CNTNAP2: variants seen among roughly 807,000 people sequenced by gnomAD.
CNTNAP2 encodes the protein contactin associated protein 2.
CNTNAP2 carries 98 observed loss-of-function variants against 155.2 expected under a neutral mutation model. The ratio of observed to expected loss-of-function variants is 0.63; its 90% CI spans 0.54 to 0.75. CNTNAP2 has a LOEUF of 0.75. Among genes scored for constraint, CNTNAP2 ranks in the 30% least tolerant of loss-of-function variants. The pLI, the probability that CNTNAP2 is intolerant of heterozygous loss-of-function variation, is 0.00. For missense variants in CNTNAP2, 1,727 were observed against 1,688.1 expected (o/e 1.02, Z -0.40); for synonymous variants, 651 against 631.2 (o/e 1.03, Z -0.47).
chr7:147,783,272 G>A (rs926296513), intron 13 of CNTNAP2, among the ~76,000 whole-genome samples: 1 of 152,136 alleles, frequency 6.6e-6, no homozygotes, highest in African/African-American at 2.4e-5. Context: ...CCTTCAAATT[G>A]TAGGCTTTTC....
At chr7:147,882,534 C>A (rs1563122580) in intron 13 of CNTNAP2, among the ~76,000 whole-genome samples, 1 of 152,152 alleles carries the variant, frequency 6.6e-6, no homozygotes. Flanking sequence ...ATTACCCTTG[C>A]AGATCTGTAG....
rs141892404 is a variant in CNTNAP2, at chr7:146,280,914, C to T, written c.97+163941C>T. Reference sequence around the variant, plus strand: ...CCTTCTGAGCCAAAGAGACACCATGCAAGATTACCTGAGGAACTTCTCAGG... The same window carrying T: ...CCTTCTGAGCCAAAGAGACACCATGTAAGATTACCTGAGGAACTTCTCAGG... On this transcript the variant is annotated intron_variant, in intron 1 of 23. Transcript: ENST00000361727. Among the ~76,000 whole-genome samples, 211 of 152,252 alleles carry T rather than the reference C, an allele frequency of 1.4e-3. 1 individual carries two copies. The highest frequency in any genetic ancestry group is 4.8e-3 in the African/African-American group (198 of 41,560).
Position 147,925,713 on chromosome 7 carries a change from G to A in CNTNAP2, c.2255+21992G>A, listed in dbSNP as rs373719997. On this transcript the variant is annotated intron_variant, in intron 14 of 23. Transcript: ENST00000361727. ...CCTGACCTCGTGATCCACCCGCCTC[G>A]GCCTCCCAAAGTGCTGGGATTACAG... Among the ~76,000 whole-genome samples the A allele has an allele frequency of 1.5e-4, 23 of 152,186 alleles. No homozygotes were observed. In the East Asian group the frequency reaches 4.1e-3, roughly 27 times the overall value.
intron 22 of CNTNAP2, among the ~76,000 whole-genome samples, chr7:148,384,649 C>A (rs1382169505): frequency 6.6e-6 from 1 of 152,106 alleles, no homozygotes; most frequent in Non-Finnish European, 1.5e-5. Flanking sequence ...CTCTAAGTGA[C>A]CTCCGAATCC....
intron 1 of CNTNAP2, among the ~76,000 whole-genome samples, chr7:146,436,134 C>T (rs1340676016): frequency 1.3e-5 from 2 of 152,116 alleles, no homozygotes; most frequent in African/African-American, 4.8e-5. Context: ...TTACCTATAA[C>T]TAGCACCATG....
At chr7:146,723,028 T>G (rs2129177913) in intron 1 of CNTNAP2, among the ~76,000 whole-genome samples, 1 of 152,128 alleles carries the variant, frequency 6.6e-6, no homozygotes, top group African/African-American at 2.4e-5. Flanking sequence ...AAAATTTTCT[T>G]AATAAACATA....
chr7:147,451,237 G>C (rs917604933), intron 10 of CNTNAP2, among the ~76,000 whole-genome samples: 1 of 152,260 alleles, frequency 6.6e-6, no homozygotes, highest in Admixed American at 6.5e-5. Flanking sequence ...TGGAGCCATA[G>C]AGTCTCCTTG....
At chr7:147,161,768 C>T (rs2116455694) in intron 8 of CNTNAP2, 1 of 152,282 alleles carries the variant, frequency 6.6e-6, no homozygotes, top group South Asian at 2.1e-4. Context: ...TCTAGCATGT[C>T]CTTTCTTACC....
intron 1 of CNTNAP2, among the ~76,000 whole-genome samples, chr7:146,315,264 G>A (rs551780989): frequency 1.3e-5 from 2 of 152,114 alleles, no homozygotes; most frequent in South Asian, 4.1e-4. Flanking sequence ...TGTGCTTGAG[G>A]GAAATCTCCC....
At chr7:147,708,711 T>C (rs1375167695) in intron 13 of CNTNAP2, among the ~76,000 whole-genome samples, 1 of 152,172 alleles carries the variant, frequency 6.6e-6, no homozygotes, top group Non-Finnish European at 1.5e-5. Context: ...CTCTCCAGGT[T>C]CTCAGCCAAT....
intron 1 of CNTNAP2, among the ~76,000 whole-genome samples, chr7:146,463,225 T>C (rs1040483590): frequency 5.9e-5 from 9 of 152,146 alleles, no homozygotes; most frequent in African/African-American, 2.2e-4. Flanking sequence ...TCTCTGATAA[T>C]CTATTCTATG....
chr7:146,162,548 C>A (rs896762464), intron 1 of CNTNAP2, among the ~76,000 whole-genome samples: 5 of 152,202 alleles, frequency 3.3e-5, no homozygotes, highest in Non-Finnish European at 7.3e-5. Flanking sequence ...AATGCTTTTA[C>A]ACTATTGGTG....
At chr7:147,489,515 T>C (rs1221583878) in intron 11 of CNTNAP2, among the ~76,000 whole-genome samples, 1 of 152,226 alleles carries the variant, frequency 6.6e-6, no homozygotes, top group Non-Finnish European at 1.5e-5. Context: ...GTAGCATATC[T>C]GAACACCAAA....
At position 146,265,861 on chromosome 7, in the gene CNTNAP2, C is replaced by T. The variant is rs529491880; in HGVS notation, c.97+148888C>T. Among the ~76,000 whole-genome samples, 25 of 151,396 alleles carry T rather than the reference C, an allele frequency of 1.7e-4. 1 individual carries two copies. Among genetic ancestry groups the T allele is most frequent in the African/African-American group, 4.6e-4 (19 of 41,220 alleles). ...TGTTGTATTGGAACATTTGGGTTTT[C>T]GTAGTTGTTTTGTTTTGTGTCCCTA... On this transcript the variant is annotated intron_variant, in intron 1 of 23. Transcript: ENST00000361727.
At chr7:147,630,257 T>A (rs1795060339) in intron 12 of CNTNAP2, among the ~76,000 whole-genome samples, 1 of 106,568 alleles carries the variant, frequency 9.4e-6, no homozygotes, top group Non-Finnish European at 1.9e-5. Flanking sequence ...CTAGATTAAA[T>A]CAGGAAGAAA....
chr7:147,255,449 T>G (rs1429000490), intron 8 of CNTNAP2, among the ~76,000 whole-genome samples: 1 of 152,138 alleles, frequency 6.6e-6, no homozygotes, highest in African/African-American at 2.4e-5. Context: ...CTCGAACTCC[T>G]GACCTCGAGT....
At chr7:147,019,199 A>AT (rs1563045843) in intron 3 of CNTNAP2, among the ~76,000 whole-genome samples, 2 of 152,038 alleles carry the variant, frequency 1.3e-5, no homozygotes, top group Admixed American at 6.6e-5. Context: ...TAAGGAAGTA[A>AT]TTATCTTCTC....
intron 1 of CNTNAP2, among the ~76,000 whole-genome samples, chr7:146,482,209 A>G (rs1245895907): frequency 6.6e-6 from 1 of 150,430 alleles, no homozygotes; most frequent in African/African-American, 2.4e-5. Flanking sequence ...AGAATTAGAA[A>G]AAAAAAAAAA....
intron 8 of CNTNAP2, among the ~76,000 whole-genome samples, chr7:147,231,647 C>T (rs1307779564): frequency 2.0e-5 from 3 of 152,148 alleles, no homozygotes; most frequent in Non-Finnish European, 4.4e-5. Flanking sequence ...GGTGATACCT[C>T]ATTATGGTTT....
Sources: allele counts gnomAD v4.1 joint callset (sites outside exome capture counted in the v4.1 genomes callset), GRCh38; gene constraint gnomAD v4.1.1; transcripts MANE v1.5; gene names NCBI Gene and HGNC (gene_info 2026-07-23, HGNC 2026-07-21).